Variants in FAM227B observed in about 807,000 individuals in gnomAD.
FAM227B encodes the protein protein FAM227B.
A neutral mutation model predicts 73.8 loss-of-function variants in FAM227B; 88 were observed. The observed-to-expected ratio is 1.19, with a 90% confidence interval of 1.00 to 1.42. The LOEUF (loss-of-function observed/expected upper bound fraction) is 1.42, where lower values mean the gene tolerates loss of function less well. Ranked by LOEUF, FAM227B falls within the 40% of genes most tolerant of loss-of-function variation. The probability of loss-of-function intolerance (pLI) is 0.00; values close to 1 mark genes in which losing one functional copy is unlikely to be tolerated. For synonymous variants in FAM227B, 210 were observed against 190.5 expected (o/e 1.10, Z -0.84); for missense variants, 632 against 590.9 (o/e 1.07, Z -0.72).
chr15:49,477,172 C>T (rs8038373), intron 11 of FAM227B, among the ~76,000 whole-genome samples: 105,978 of 152,052 alleles, frequency 0.7, 37,203 homozygotes, highest in East Asian at 0.92. Flanking sequence ...TTTATTACAA[C>T]AGATGAGCCA....
intron 2 of FAM227B, among the ~76,000 whole-genome samples, chr15:49,613,731 G>A (rs2078106383): frequency 6.6e-6 from 1 of 151,900 alleles, no homozygotes; most frequent in Non-Finnish European, 1.5e-5. Flanking sequence ...ATTATCTCAT[G>A]TATGCCATAA....
chr15:49,526,072 G>A (rs936243015), intron 10 of FAM227B, among the ~76,000 whole-genome samples: 1 of 151,916 alleles, frequency 6.6e-6, no homozygotes, highest in Non-Finnish European at 1.5e-5. Flanking sequence ...ATTTAAAGAA[G>A]ATTCTACCCA....
intron 10 of FAM227B, among the ~76,000 whole-genome samples, chr15:49,535,191 TA>T (rs928144082): frequency 6.6e-6 from 1 of 151,050 alleles, no homozygotes. Context: ...TTAGCTAGAC[TA>T]AAAAAAGGGA....
intron 11 of FAM227B, chr15:49,424,020 C>T (rs1243374368): frequency 3.1e-6 from 1 of 323,256 alleles, no homozygotes; most frequent in African/African-American, 2.1e-5. Context: ...CTTAATCTCT[C>T]ATTGCAAACA....
In FAM227B at chr15:49,327,649, A is replaced by C. The variant is rs1348706349; in HGVS notation, c.*919T>G. 2 of 211,510 alleles carry C rather than the reference A, an allele frequency of 9.5e-6. No individual in the cohort carries two copies. The highest frequency in any genetic ancestry group is 1.9e-5 in the Non-Finnish European group (2 of 106,926). 13.1% of individuals were successfully genotyped at this position (211,510 alleles called of 1,614,324 possible). Reference sequence around the variant, plus strand: ...GTGTAAGCTTGCTATACAACTCTTCAAGTGGCTACTTTATGGAATCAATAT... The same window carrying C: ...GTGTAAGCTTGCTATACAACTCTTCCAGTGGCTACTTTATGGAATCAATAT... On this transcript the variant is annotated 3_prime_UTR_variant, in exon 16 of 16. Transcript: ENST00000299338.
At chr15:49,507,219 CCA>C (rs1468308413) in intron 11 of FAM227B, among the ~76,000 whole-genome samples, 3 of 151,654 alleles carry the variant, frequency 2.0e-5, no homozygotes, top group African/African-American at 7.3e-5. Flanking sequence ...ATATAGAAAA[CCA>C]CAGTTAAAAT....
chr15:49,337,870 T>G (rs111339280), intron 13 of FAM227B, among the ~76,000 whole-genome samples: 7,289 of 152,270 alleles, frequency 0.048, 315 homozygotes, highest in African/African-American at 0.1. Flanking sequence ...TTCCATGGTG[T>G]GTATGTGCCA....
intron 3 of FAM227B, among the ~76,000 whole-genome samples, chr15:49,608,396 G>A (rs1192979156): frequency 6.6e-6 from 1 of 152,046 alleles, no homozygotes; most frequent in Non-Finnish European, 1.5e-5. Context: ...AGACAAAAGG[G>A]CTCTCGTGGA....
chr15:49,609,279 TGAA>T (rs1157354139), intron 3 of FAM227B, among the ~76,000 whole-genome samples: 7 of 151,198 alleles, frequency 4.6e-5, no homozygotes, highest in African/African-American at 7.3e-5. Flanking sequence ...TAAAAACAAT[TGAA>T]GATAAAAAGA....
chr15:49,474,848 C>T (rs151076984), intron 11 of FAM227B, among the ~76,000 whole-genome samples: 4 of 152,232 alleles, frequency 2.6e-5, no homozygotes, highest in Admixed American at 6.5e-5. Context: ...TAATGCCTGA[C>T]GATTTGAAGT....
At chr15:49,409,587 C>T (rs1431834506) in intron 11 of FAM227B, among the ~76,000 whole-genome samples, 1 of 150,912 alleles carries the variant, frequency 6.6e-6, no homozygotes, top group Non-Finnish European at 1.5e-5. Context: ...AAACTTGAAA[C>T]AGTGGCTGGC....
intron 5 of FAM227B, among the ~76,000 whole-genome samples, chr15:49,586,410 A>C (rs1030634792): frequency 6.6e-6 from 1 of 152,200 alleles, no homozygotes; most frequent in Admixed American, 6.5e-5. Context: ...AAAGACCAAA[A>C]TGTAAAACCC....
chr15:49,403,644 T>G (rs2048324643), intron 11 of FAM227B, among the ~76,000 whole-genome samples: 1 of 152,130 alleles, frequency 6.6e-6, no homozygotes. Context: ...TGTTTGGATC[T>G]TCTCTCTTTT....
intron 10 of FAM227B, among the ~76,000 whole-genome samples, chr15:49,532,094 G>T (rs937479015): frequency 7.4e-5 from 11 of 149,338 alleles, no homozygotes; most frequent in Non-Finnish European, 1.3e-4. Flanking sequence ...GATATTTAAG[G>T]GATTATCTAT....
At chr15:49,580,433 A>G (rs1437615992) in intron 5 of FAM227B, among the ~76,000 whole-genome samples, 1 of 152,182 alleles carries the variant, frequency 6.6e-6, no homozygotes, top group Non-Finnish European at 1.5e-5. Flanking sequence ...CAGCTACAAA[A>G]AAAGACCCAA....
chr15:49,542,692 G>C (rs948231141), intron 9 of FAM227B, among the ~76,000 whole-genome samples: 1 of 149,438 alleles, frequency 6.7e-6, no homozygotes, highest in African/African-American at 2.5e-5. Flanking sequence ...TGGCTGAGTA[G>C]TATTCCATTT....
chr15:49,378,455 T>C (rs2046312535), intron 11 of FAM227B, among the ~76,000 whole-genome samples: 1 of 151,450 alleles, frequency 6.6e-6, no homozygotes, highest in Non-Finnish European at 1.5e-5. Flanking sequence ...TTTTCCAATA[T>C]TTCTATTTTT....
chr15:49,502,781 T>C (rs1443389014), intron 11 of FAM227B, among the ~76,000 whole-genome samples: 1 of 152,170 alleles, frequency 6.6e-6, no homozygotes, highest in African/African-American at 2.4e-5. Context: ...TATTTGTCCC[T>C]GTACAAATCT....
chr15:49,587,979 C>A, intron 5 of FAM227B, 37 bp downstream of exon 5: 1 of 1,386,824 alleles, frequency 7.2e-7, no homozygotes, highest in Admixed American at 2.8e-5. Flanking sequence ...CTGTGAAAAT[C>A]CAACTTTCAA....
Sources: allele counts gnomAD v4.1 joint callset (sites outside exome capture counted in the v4.1 genomes callset), GRCh38; gene constraint gnomAD v4.1.1; transcripts MANE v1.5; gene names NCBI Gene and HGNC (gene_info 2026-07-23, HGNC 2026-07-21).